Variants in ALG12 observed in about 807,000 individuals in gnomAD.
The protein encoded by ALG12 is ALG12 alpha-1,6-mannosyltransferase.
Under a neutral mutation model 46.0 loss-of-function variants are expected in ALG12, and 36 were observed. That is an observed-to-expected ratio of 0.78 (90% CI 0.60 to 1.03). The LOEUF (loss-of-function observed/expected upper bound fraction) is 1.03, where lower values mean the gene tolerates loss of function less well. ALG12 is among the 50% of genes least tolerant of loss of function. ALG12 has a pLI of 0.00. For missense variants in ALG12, 599 were observed against 633.5 expected, an observed-to-expected ratio of 0.95 and a Z score of 0.58; for synonymous variants, 326 against 291.6, an observed-to-expected ratio of 1.12 and a Z score of -1.20.
the ALG12 span, chr22:49,887,539 A>G: frequency 0.036 from 6,957 of 194,864 alleles, 338 homozygotes; most frequent in African/African-American, 0.12. Context: ...TTACTCAATT[A>G]TGTACAAACC....
the ALG12 span, among the ~76,000 whole-genome samples, chr22:49,869,904 C>T: frequency 9.8e-5 from 15 of 152,286 alleles, no homozygotes; most frequent in African/African-American, 2.2e-4. Context: ...TAAGAATGAT[C>T]GTCGCCCAGA....
At chr22:49,899,862 G>C (rs539477565), downstream of ALG12, among the ~76,000 whole-genome samples, 8 of 152,094 alleles carry the variant, frequency 5.3e-5, no homozygotes, top group South Asian at 1.7e-3. Context: ...CCAGGAGAGA[G>C]TGTTAGGTGA....
chr22:49,884,233 C>G, the ALG12 span: 1 of 1,601,760 alleles, frequency 6.2e-7, no homozygotes. Context: ...CCTGCTTCCA[C>G]CACAGCCTGC....
intron 6 of ALG12, 112 bp from the exon 7 acceptor site, chr22:49,908,056 C>G: frequency 9.2e-7 from 1 of 1,091,566 alleles, no homozygotes; most frequent in South Asian, 1.4e-5. Flanking sequence ...AGAGATGCAG[C>G]CTGGACCACG....
chr22:49,910,056 C>T lies in ALG12; in HGVS notation c.502G>A (p.Glu168Lys), dbSNP rs754565538. 1.9e-5 allele frequency: 30 copies of T among 1,612,028 alleles called. No individual in the cohort carries two copies. Among genetic ancestry groups the T allele is most frequent in the Admixed American group, 1.5e-4 (9 of 59,834 alleles). The change falls in exon 5 of 10, where the codon GAG becomes AAG. Residue 168 changes from glutamate (E) to lysine (K), a missense_variant. Physicochemically the swap from Glu to Lys is moderately conservative, Grantham distance 56 (BLOSUM62 1). Coordinates refer to ENST00000330817, the MANE Select transcript of ALG12 (RefSeq NM_024105.4). ...GACAGCCAGATGAAGCGGGCCCACT[C>T]GTGCCGCAGCCAGGCCGCGAGGGCC... ...LLALAAWLRH[E>K]WARFIWLSAF...
the ALG12 span, chr22:49,884,247 C>T: frequency 1.1e-5 from 18 of 1,602,388 alleles, no homozygotes; most frequent in East Asian, 6.7e-5. Flanking sequence ...AGCCTGCGGA[C>T]GCGGGTGACC....
the ALG12 span, chr22:49,885,879 G>C: frequency 1.6e-6 from 2 of 1,253,144 alleles, no homozygotes; most frequent in Non-Finnish European, 2.3e-6. Context: ...TGAGTAACCA[G>C]ACCCGTGAGT....
rs2060525803 is a variant in ALG12, at chr22:49,903,556, G to A, written c.*282C>T. ...TTAGTCATGAATGGCACCTGGTCTG[G>A]GCGACAGTCACCCGCAGGAAGCCCT... On this transcript the variant is annotated 3_prime_UTR_variant, in exon 10 of 10. Transcript: ENST00000330817. The A allele has an allele frequency of 1.1e-5, 7 of 620,228 alleles. No individual in the cohort carries two copies. The highest frequency in any genetic ancestry group is 2.1e-5 in the Non-Finnish European group (7 of 332,316). The allele number at this position is 620,228 out of a possible 1,614,324, so 38.4% of individuals were successfully genotyped here. A position where few individuals can be genotyped will look rare whatever the true frequency, so the allele number is the denominator to read the frequency against.
At chr22:49,879,154 CAAAA>C in the ALG12 span, among the ~76,000 whole-genome samples, 68 of 143,328 alleles carry the variant, frequency 4.7e-4, no homozygotes, top group Non-Finnish European at 5.8e-4. Context: ...AAAAAAAAAA[CAAAA>C]AACAAAAAAA....
the ALG12 span, among the ~76,000 whole-genome samples, chr22:49,893,346 A>C: frequency 1.3e-5 from 2 of 152,218 alleles, no homozygotes; most frequent in Non-Finnish European, 2.9e-5. Context: ...TGAAAATAAC[A>C]ACCTGCACCT....
At chr22:49,874,020 GAACTCTC>G in the ALG12 span, among the ~76,000 whole-genome samples, 2 of 152,236 alleles carry the variant, frequency 1.3e-5, no homozygotes, top group Non-Finnish European at 2.9e-5. Flanking sequence ...TGACCTCTCT[GAACTCTC>G]TTACTCTTTA....
the ALG12 span, chr22:49,885,584 T>C: frequency 3.1e-6 from 5 of 1,605,680 alleles, no homozygotes; most frequent in Non-Finnish European, 4.3e-6. Context: ...GCTTCCTCTT[T>C]TGATGACACC....
At chr22:49,872,134 A>T in the ALG12 span, among the ~76,000 whole-genome samples, 2 of 152,240 alleles carry the variant, frequency 1.3e-5, no homozygotes, top group Non-Finnish European at 2.9e-5. Flanking sequence ...TACCCACAGT[A>T]GAACTTCTTT....
chr22:49,877,999 T>G, the ALG12 span, among the ~76,000 whole-genome samples: 1 of 152,276 alleles, frequency 6.6e-6, no homozygotes, highest in East Asian at 1.9e-4. Flanking sequence ...TGCTGTGAAT[T>G]TTATATGTAA....
rs1356769509 is a variant in ALG12 at position 49,902,481 on chromosome 22, GTGGTGTGTATGCA to G, written c.*1344_*1356del. 7.9e-6 allele frequency: 1 copy of G among 125,948 alleles called. No individual in the cohort carries two copies. Among genetic ancestry groups the G allele is most frequent in the African/African-American group, 3.5e-5 (1 of 28,574 alleles). The allele number at this position is 125,948 out of a possible 1,614,324, so 7.8% of individuals were successfully genotyped here. On this transcript the variant is annotated 3_prime_UTR_variant, in exon 10 of 10. Coordinates refer to ENST00000330817, the MANE Select transcript of ALG12 (RefSeq NM_024105.4). ...CATGGTGTGTGCACGTGTGCACTGT[GTGGTGTGTATGCA>G]TGGTGTGTGCACATGTGCACTGTGT... is the stretch of plus-strand genomic sequence containing the variant.
the ALG12 span, chr22:49,886,401 C>T: frequency 5.6e-5 from 90 of 1,605,930 alleles, no homozygotes; most frequent in South Asian, 7.2e-4. This position sits in a 1 kb window ranked among gnomAD's most constrained non-coding sequence, Gnocchi z 7.7. Flanking sequence ...ACGAGATGTC[C>T]GTCGAGTGTA....
chr22:49,901,909 G>A lies in ALG12; in HGVS notation c.*1929C>T, dbSNP rs2060510391. The A allele has an allele frequency of 7.2e-6, 1 of 138,204 alleles. No individual in the cohort carries two copies. Among genetic ancestry groups the A allele is most frequent in the Admixed American group, 7.2e-5 (1 of 13,922 alleles). 8.6% of individuals were successfully genotyped at this position (138,204 alleles called of 1,614,324 possible). Reference sequence around the variant, plus strand: ...CACGTGTGCACTGTGTGTATGCATGGTAATGTGCACGCATGCACTGTGTGT... The same window carrying A: ...CACGTGTGCACTGTGTGTATGCATGATAATGTGCACGCATGCACTGTGTGT... On this transcript the variant is annotated 3_prime_UTR_variant, in exon 10 of 10. Transcript: ENST00000330817.
chr22:49,890,744 C>T, the ALG12 span, among the ~76,000 whole-genome samples: 28 of 152,108 alleles, frequency 1.8e-4, no homozygotes, highest in Admixed American at 6.6e-4. Flanking sequence ...TGGCCAGATG[C>T]GGTGGCTCAC....
chr22:49,885,486 T>C, the ALG12 span: 1 of 1,612,448 alleles, frequency 6.2e-7, no homozygotes, highest in Non-Finnish European at 8.5e-7. Flanking sequence ...AGCGGTTCCA[T>C]AGCAACGTGC....
Sources: allele counts gnomAD v4.1 joint callset (sites outside exome capture counted in the v4.1 genomes callset), GRCh38; gene constraint gnomAD v4.1.1; non-coding constraint Gnocchi (gnomAD v3.1); transcripts MANE v1.5; gene names NCBI Gene and HGNC (gene_info 2026-07-23, HGNC 2026-07-21).